LPIN1: variants seen among roughly 807,000 people sequenced by gnomAD.
LPIN1 encodes lipin 1, also known as phosphatidate phosphatase LPIN1.
A neutral mutation model predicts 107.5 loss-of-function variants in LPIN1; 71 were observed. That is an observed-to-expected ratio of 0.66 (90% CI 0.55 to 0.80). The LOEUF (loss-of-function observed/expected upper bound fraction) is 0.80, where lower values mean the gene tolerates loss of function less well. LPIN1 is among the 30% of genes least tolerant of loss of function. The pLI is 0.00. For missense variants in LPIN1, 1,043 were observed against 1,160.6 expected (o/e 0.90, Z 1.47); for synonymous variants, 445 against 452.6 (o/e 0.98, Z 0.21).
At chr2:11,789,474 G>A (rs772982723) in intron 12 of LPIN1, among the ~76,000 whole-genome samples, 9 of 151,856 alleles carry the variant, frequency 5.9e-5, no homozygotes, top group Admixed American at 1.3e-4. Context: ...GTGCACGTGT[G>A]TGCATGTGTG....
Position 11,776,088 on chromosome 2 carries a change from G to T in LPIN1, c.725G>T (p.Ser242Ile). Reference protein sequence around the residue: ...SDREWSPTPSSLVDCKRTAPH... With the variant: ...SDREWSPTPSILVDCKRTAPH... ...GTGTATCACGTGGTGGTATCCAGTA[G>T]CCTGGTAGATTGCAAAAGGACTGCC... Residue 242 changes from serine (S) to isoleucine (I), a missense_variant and splice_region_variant, in exon 6 of 21, where the codon AGC becomes ATC. Transcript: ENST00000674199. 1 of 1,543,842 alleles carries T rather than the reference G, an allele frequency of 6.5e-7. No individual in the cohort carries two copies. Among genetic ancestry groups the T allele is most frequent in the Non-Finnish European group, 8.8e-7 (1 of 1,142,094 alleles).
chr2:11,727,380 C>T (rs1188390404), intron 1 of LPIN1, among the ~76,000 whole-genome samples: 1 of 152,118 alleles, frequency 6.6e-6, no homozygotes, highest in Non-Finnish European at 1.5e-5. Context: ...CATCTTTGCT[C>T]GCTTGTTTCT....
intron 1 of LPIN1, among the ~76,000 whole-genome samples, chr2:11,686,544 G>T (rs557009089): frequency 6.6e-6 from 1 of 152,186 alleles, no homozygotes; most frequent in Non-Finnish European, 1.5e-5. Flanking sequence ...GACAGAGGTT[G>T]TGTGGTGACT....
intron 3 of LPIN1, among the ~76,000 whole-genome samples, chr2:11,769,213 C>G (rs937557374): frequency 1.3e-5 from 2 of 152,218 alleles, no homozygotes; most frequent in African/African-American, 4.8e-5. Context: ...TGTGATTTGT[C>G]TACATCTTTG....
At chr2:11,744,290 T>C (rs751463309), upstream of LPIN1, among the ~76,000 whole-genome samples, 6 of 152,228 alleles carry the variant, frequency 3.9e-5, no homozygotes, top group Non-Finnish European at 5.9e-5. Flanking sequence ...GCCTGGTTGC[T>C]GATAGCACAG....
rs779307450 is a variant in LPIN1, at chr2:11,691,385, T to C, written c.81+13657T>C. ...GCCCTAAGCAGTAGGGCTGCAGACA[T>C]GTTTAAGCCTCTTTTCACCAGCATA... is the stretch of plus-strand genomic sequence containing the variant. On this transcript the variant is annotated intron_variant, in intron 1 of 21. Transcript: ENST00000449576. 2.0e-5 allele frequency among the ~76,000 whole-genome samples: 3 copies of C among 152,160 alleles called. No individual in the cohort carries two copies. In the East Asian group the frequency reaches 5.8e-4, roughly 29 times the overall value.
rs552599441 is a variant in LPIN1 at position 11,754,980 on chromosome 2, T to C, written c.-10+8309T>C. ...CTGTCTTCTTCATTTCTTCTAATTTTTTTTTTTTTTTTTGAGACGGAGTCA... is the reference window on the plus strand; with the variant it reads ...CTGTCTTCTTCATTTCTTCTAATTTCTTTTTTTTTTTTTGAGACGGAGTCA... On this transcript the variant is annotated intron_variant, in intron 1 of 20. Coordinates refer to ENST00000674199, the MANE Select transcript of LPIN1 (RefSeq NM_001349206.2). Among the ~76,000 whole-genome samples the C allele has an allele frequency of 1.3e-4, 19 of 151,774 alleles. No individual in the cohort carries two copies. The East Asian group carries it at 3.7e-3, about 29-fold the overall frequency.
chr2:11,694,384 T>G (rs1270291973), intron 1 of LPIN1, among the ~76,000 whole-genome samples: 1 of 152,190 alleles, frequency 6.6e-6, no homozygotes, highest in East Asian at 1.9e-4. Flanking sequence ...CATGATGTCC[T>G]TCTTCTTCCT....
upstream of LPIN1, among the ~76,000 whole-genome samples, chr2:11,720,035 C>G (rs879163667): frequency 6.6e-6 from 1 of 152,098 alleles, no homozygotes; most frequent in Admixed American, 6.5e-5. Context: ...CTCCGACTTG[C>G]TTGTCCTCCT....
intron 1 of LPIN1, among the ~76,000 whole-genome samples, chr2:11,684,257 C>T (rs1457355119): frequency 6.6e-6 from 1 of 152,232 alleles, no homozygotes; most frequent in Non-Finnish European, 1.5e-5. Context: ...GATGGACTCT[C>T]TTGTCTCCTG....
chr2:11,826,192 G>A lies in LPIN1; in HGVS notation c.*1401G>A, dbSNP rs1159486119. Reference sequence around the variant, plus strand: ...AACATTTTCCTATTTAAATTTCATTGTTAGAATCACAGGAGGCAAAAAATG... The same window carrying A: ...AACATTTTCCTATTTAAATTTCATTATTAGAATCACAGGAGGCAAAAAATG... On this transcript the variant is annotated 3_prime_UTR_variant, in exon 21 of 21. Transcript: ENST00000674199. 1 of 152,502 alleles carries A rather than the reference G, an allele frequency of 6.6e-6. No homozygotes were observed. The highest frequency in any genetic ancestry group is 1.5e-5 in the Non-Finnish European group (1 of 68,012). 9.4% of individuals were successfully genotyped at this position (152,502 alleles called of 1,614,324 possible).
intron 7 of LPIN1, among the ~76,000 whole-genome samples, chr2:11,780,837 C>T (rs899337667): frequency 2.0e-5 from 3 of 152,204 alleles, no homozygotes; most frequent in Admixed American, 6.5e-5. Flanking sequence ...TGAATATTTG[C>T]ATTCTTTCTC....
At position 11,708,994 on chromosome 2, in the gene LPIN1, T is replaced by C. The variant is rs189007846; in HGVS notation, c.82-4762T>C. Among the ~76,000 whole-genome samples the C allele has an allele frequency of 2.5e-3, 386 of 152,292 alleles. 1 individual carries two copies. Among genetic ancestry groups the C allele is most frequent in the African/African-American group, 9.0e-3 (375 of 41,570 alleles). ...GAAATGGAGGCTCAGGAATATTAAATGAATTGCTCAAGACCACACAGATGG... is the reference window on the plus strand; with the variant it reads ...GAAATGGAGGCTCAGGAATATTAAACGAATTGCTCAAGACCACACAGATGG... On this transcript the variant is annotated intron_variant, in intron 1 of 21. Coordinates refer to the LPIN1 transcript ENST00000449576.
intron 6 of LPIN1, chr2:11,777,671 G>C (rs1410070875): frequency 6.6e-6 from 1 of 152,180 alleles, no homozygotes; most frequent in African/African-American, 2.4e-5. Context: ...CGTAAAACCC[G>C]TAAAGCCCGA....
At chr2:11,723,995 CCT>C (rs1187841087), upstream of LPIN1, 1 of 152,108 alleles carries the variant, frequency 6.6e-6, no homozygotes, top group African/African-American at 2.4e-5. Context: ...TTCCATATTC[CCT>C]CCCTCAATGT....
At position 11,820,440 on chromosome 2, in the gene LPIN1, G is replaced by A; in HGVS notation, c.2547G>A (p.Val849=). 6.2e-6 allele frequency: 10 copies of A among 1,613,020 alleles called. No individual in the cohort carries two copies. The highest frequency in any genetic ancestry group is 7.6e-6 in the Non-Finnish European group (9 of 1,179,028). The change falls in exon 20 of 21, where the codon GTG becomes GTA. Residue 849 remains valine (V), a synonymous_variant. Coordinates refer to ENST00000674199, the MANE Select transcript of LPIN1 (RefSeq NM_001349206.2). ...TGTATTCATACAAGCAAGTAGGAGT[G>A]TCTTTGAATAGAATATTTACCGTCA... ...ADVYSYKQVG[V]SLNRIFTVNP... is the part of the protein sequence containing the mutation.
chr2:11,797,150 C>G (rs1413947947), intron 14 of LPIN1, among the ~76,000 whole-genome samples: 1 of 152,238 alleles, frequency 6.6e-6, no homozygotes, highest in Non-Finnish European at 1.5e-5. Flanking sequence ...TTTTAACAAC[C>G]TTCTCTGTCT....
intron 1 of LPIN1, among the ~76,000 whole-genome samples, chr2:11,735,115 A>G (rs1480865253): frequency 6.6e-6 from 1 of 151,986 alleles, no homozygotes; most frequent in Non-Finnish European, 1.5e-5. Context: ...AACACGGTGA[A>G]ACCCCGTCTC....
rs1553398413 is a variant in LPIN1 at position 11,693,802 on chromosome 2, A to ATATATAT, written c.81+16075_81+16081dup. Among the ~76,000 whole-genome samples, 72 of 25,496 alleles carry ATATATAT rather than the reference A, an allele frequency of 2.8e-3. 1 individual carries two copies. The highest frequency in any genetic ancestry group is 6.4e-3 in the African/African-American group (68 of 10,662). 16.7% of individuals were successfully genotyped at this position (25,496 alleles called of 152,430 possible). ...TGTGTGAGTGTGTATATATATATAT[A>ATATATAT]TATATATATATATATATATATTTTT... On this transcript the variant is annotated intron_variant, in intron 1 of 21. Transcript: ENST00000449576.
Sources: gnomAD v4.1 joint callset for allele counts (sites outside exome capture counted in the v4.1 genomes callset) on GRCh38, gnomAD v4.1.1 for gene constraint, MANE v1.5 for transcripts, NCBI Gene and HGNC (gene_info 2026-07-23, HGNC 2026-07-21) for gene names.